DSCAML1: variants seen among roughly 807,000 people sequenced by gnomAD.
The protein encoded by DSCAML1 is DS cell adhesion molecule like 1, also known as cell adhesion molecule DSCAML1.
A neutral mutation model predicts 200.5 loss-of-function variants in DSCAML1; 38 were observed. The observed-to-expected ratio is 0.19, with a 90% CI of 0.15 to 0.25. The LOEUF (loss-of-function observed/expected upper bound fraction) is 0.25. Among genes scored for constraint, DSCAML1 ranks in the 10% least tolerant of loss-of-function variants. The pLI is 1.00. For missense variants in DSCAML1, 2,223 were observed against 2,858.8 expected (o/e 0.78, Z 5.07); for synonymous variants, 1,215 against 1,165.0 (o/e 1.04, Z -0.87).
chr11:117,805,244 G>T (rs1002843755), intron 1 of DSCAML1, among the ~76,000 whole-genome samples: 4 of 152,152 alleles, frequency 2.6e-5, no homozygotes, highest in African/African-American at 4.8e-5. Flanking sequence ...TTACACAATG[G>T]GTGACTCAGA....
chr11:117,673,105 C>A (rs1296981649), intron 3 of DSCAML1, among the ~76,000 whole-genome samples: 1 of 152,130 alleles, frequency 6.6e-6, no homozygotes, highest in African/African-American at 2.4e-5. Context: ...AAGCTGTAAA[C>A]CCAGAGTACC....
At chr11:117,564,670 CTCCTTCCT>C (rs201385716) in intron 3 of DSCAML1, among the ~76,000 whole-genome samples, 12 of 150,486 alleles carry the variant, frequency 8.0e-5, no homozygotes, top group African/African-American at 2.0e-4. Flanking sequence ...TCTTTCCTTC[CTCCTTCCT>C]TCCTTCCTTC....
chr11:117,515,312 C>T (rs1276256002), intron 8 of DSCAML1, among the ~76,000 whole-genome samples: 1 of 152,160 alleles, frequency 6.6e-6, no homozygotes, highest in East Asian at 1.9e-4. Context: ...TCTCCTTAGT[C>T]AAGCCTGGGG....
chr11:117,590,912 G>A (rs545686828), intron 3 of DSCAML1, among the ~76,000 whole-genome samples: 1 of 152,344 alleles, frequency 6.6e-6, no homozygotes, highest in African/African-American at 2.4e-5. Flanking sequence ...CGTACTGAGT[G>A]TATGTAGGAG....
At chr11:117,527,657 T>C (rs2050001417) in intron 4 of DSCAML1, among the ~76,000 whole-genome samples, 1 of 152,068 alleles carries the variant, frequency 6.6e-6, no homozygotes, top group South Asian at 2.1e-4. Flanking sequence ...AGAAGCCAGG[T>C]CTCCCCCACC....
At chr11:117,649,301 C>T (rs1308689271) in intron 3 of DSCAML1, among the ~76,000 whole-genome samples, 1 of 152,124 alleles carries the variant, frequency 6.6e-6, no homozygotes, top group East Asian at 1.9e-4. Context: ...TGGTCTCGAA[C>T]TCCTGACCTC....
intron 16 of DSCAML1, 66 bp from the exon 17 acceptor site, chr11:117,465,248 C>A: frequency 6.3e-7 from 1 of 1,582,246 alleles, no homozygotes; most frequent in Non-Finnish European, 8.6e-7. Flanking sequence ...CTCTTAAAAC[C>A]AAAGTCAGAT....
intron 3 of DSCAML1, among the ~76,000 whole-genome samples, chr11:117,730,660 G>A (rs1181451532): frequency 6.6e-6 from 1 of 152,202 alleles, no homozygotes; most frequent in Non-Finnish European, 1.5e-5. Flanking sequence ...TTCCTTAAGA[G>A]GTTAAACAGC....
intron 1 of DSCAML1, among the ~76,000 whole-genome samples, chr11:117,796,382 C>T (rs941170328): frequency 1.3e-5 from 2 of 152,168 alleles, no homozygotes; most frequent in African/African-American, 4.8e-5. Context: ...CAAGCCGGGG[C>T]TAAAGCCGGG....
intron 23 of DSCAML1, 116 bp from the exon 24 acceptor site, chr11:117,439,099 C>A: frequency 7.6e-7 from 1 of 1,315,320 alleles, no homozygotes; most frequent in Non-Finnish European, 1.0e-6. Flanking sequence ...CCCACTCCCA[C>A]TCCCCAGCTC....
chr11:117,666,534 C>T (rs1387173995), intron 3 of DSCAML1, among the ~76,000 whole-genome samples: 1 of 152,150 alleles, frequency 6.6e-6, no homozygotes, highest in Non-Finnish European at 1.5e-5. Flanking sequence ...AAAGCTGCTG[C>T]CGGGCCTCTC....
At chr11:117,454,031 T>G (rs536408684) in intron 19 of DSCAML1, among the ~76,000 whole-genome samples, 7 of 152,162 alleles carry the variant, frequency 4.6e-5, no homozygotes, top group African/African-American at 1.4e-4. Flanking sequence ...TGTGTGACAA[T>G]AGAGTTTGTA....
intron 2 of DSCAML1, among the ~76,000 whole-genome samples, chr11:117,778,274 C>G (rs1447733570): frequency 6.6e-6 from 1 of 152,210 alleles, no homozygotes; most frequent in African/African-American, 2.4e-5. Flanking sequence ...AAGGTTTGGG[C>G]AGAGCCCTGC....
chr11:117,451,919 TG>T (rs566195542), intron 19 of DSCAML1, among the ~76,000 whole-genome samples: 99 of 152,350 alleles, frequency 6.5e-4, no homozygotes, highest in Middle Eastern at 3.4e-3. Flanking sequence ...AACTCTCAGC[TG>T]ATGGCACCTA....
chr11:117,810,330 C>T (rs1245873255), intron 1 of DSCAML1, among the ~76,000 whole-genome samples: 1 of 152,038 alleles, frequency 6.6e-6, no homozygotes, highest in Admixed American at 6.5e-5. Context: ...GTGGCAAGTC[C>T]CGCTTTTCTA....
chr11:117,491,646 T>G (rs1358220126), intron 11 of DSCAML1, among the ~76,000 whole-genome samples: 4 of 152,132 alleles, frequency 2.6e-5, no homozygotes, highest in Non-Finnish European at 5.9e-5. Flanking sequence ...TGGTGGCGTG[T>G]GCCTGGAATC....
chr11:117,594,236 C>T (rs1166598147), intron 3 of DSCAML1, among the ~76,000 whole-genome samples: 1 of 152,168 alleles, frequency 6.6e-6, no homozygotes, highest in Non-Finnish European at 1.5e-5. Context: ...AAAAAAGTCT[C>T]CTGTTGTTTC....
At chr11:117,716,505 G>A (rs192920268) in intron 3 of DSCAML1, among the ~76,000 whole-genome samples, 15 of 152,270 alleles carry the variant, frequency 9.9e-5, no homozygotes, top group East Asian at 5.8e-4. Context: ...AGCCATGAGC[G>A]CTGCAAAACC....
At chr11:117,541,831 A>G (rs2050274470) in intron 3 of DSCAML1, among the ~76,000 whole-genome samples, 2 of 152,106 alleles carry the variant, frequency 1.3e-5, no homozygotes, top group African/African-American at 4.8e-5. Flanking sequence ...ACACTCCCTC[A>G]GTAGCATCCC....
Sources: allele counts gnomAD v4.1 joint callset (sites outside exome capture counted in the v4.1 genomes callset), GRCh38; gene constraint gnomAD v4.1.1; transcripts MANE v1.5; gene names NCBI Gene and HGNC (gene_info 2026-07-23, HGNC 2026-07-21).